ADAM18: variants seen among roughly 807,000 people sequenced by gnomAD.
ADAM18 encodes the protein ADAM metallopeptidase domain 18.
ADAM18 carries 117 observed loss-of-function variants against 94.4 expected under a neutral mutation model. The ratio of observed to expected loss-of-function variants is 1.24; its 90% CI spans 1.07 to 1.45. ADAM18 has a LOEUF of 1.45. Among genes scored for constraint, ADAM18 ranks in the 40% most tolerant of loss-of-function variants. ADAM18 has a pLI of 0.00. For synonymous variants in ADAM18, 327 were observed against 291.6 expected, an observed-to-expected ratio of 1.12 and a Z score of -1.24; for missense variants, 936 against 880.0, an observed-to-expected ratio of 1.06 and a Z score of -0.81.
intron 18 of ADAM18, among the ~76,000 whole-genome samples, chr8:39,722,217 GTATATATATATATATATATATATA>G (rs61542840): frequency 0.38 from 34,862 of 91,692 alleles, 6,922 homozygotes; most frequent in Admixed American, 0.48. Context: ...GTGTGTGTGT[GTATATATATATATATATATATATA>G]TATATATATA....
At chr8:39,610,762 C>A (rs1819251005) in intron 6 of ADAM18, 56 bp downstream of exon 6, 1 of 1,531,512 alleles carries the variant, frequency 6.5e-7, no homozygotes, top group Non-Finnish European at 8.8e-7. Context: ...GTGTAGTTTT[C>A]TTGTAAATCA....
At chr8:39,596,088 A>G (rs186725747) in intron 2 of ADAM18, among the ~76,000 whole-genome samples, 102 of 152,270 alleles carry the variant, frequency 6.7e-4, no homozygotes, top group African/African-American at 2.4e-3. Context: ...AAAAGATGAG[A>G]AGAAAGTACA....
intron 6 of ADAM18, among the ~76,000 whole-genome samples, chr8:39,617,849 G>T (rs1294664650): frequency 6.6e-6 from 1 of 152,096 alleles, no homozygotes; most frequent in African/African-American, 2.4e-5. Context: ...AATGTAGGGT[G>T]GGTGTAGGGT....
intron 11 of ADAM18, among the ~76,000 whole-genome samples, chr8:39,646,327 A>T (rs1820374559): frequency 6.6e-6 from 1 of 152,168 alleles, no homozygotes; most frequent in African/African-American, 2.4e-5. Flanking sequence ...AAGCAATTAA[A>T]CATAATGAAA....
intron 16 of ADAM18, among the ~76,000 whole-genome samples, chr8:39,686,392 C>G (rs1821606033): frequency 1.3e-5 from 2 of 152,216 alleles, no homozygotes; most frequent in African/African-American, 4.8e-5. Context: ...GACTCATTAT[C>G]TGCTTCAAAG....
chr8:39,621,669 A>G (rs117167831), intron 6 of ADAM18, among the ~76,000 whole-genome samples: 288 of 152,284 alleles, frequency 1.9e-3, no homozygotes, highest in Middle Eastern at 0.01. Context: ...ATGACATGGA[A>G]TCAACCTAAA....
chr8:39,721,985 C>G (rs1018632635), intron 18 of ADAM18, among the ~76,000 whole-genome samples: 13 of 150,750 alleles, frequency 8.6e-5, no homozygotes, highest in African/African-American at 3.2e-4. Flanking sequence ...TGGAATCAAC[C>G]TAAGTGTCCA....
intron 18 of ADAM18, among the ~76,000 whole-genome samples, chr8:39,713,639 T>A (rs943625619): frequency 6.6e-6 from 1 of 152,020 alleles, no homozygotes; most frequent in African/African-American, 2.4e-5. Flanking sequence ...AGGATATCAA[T>A]AGACACTTCT....
At chr8:39,644,919 A>G (rs532333184) in intron 10 of ADAM18, among the ~76,000 whole-genome samples, 1 of 152,188 alleles carries the variant, frequency 6.6e-6, no homozygotes, top group East Asian at 1.9e-4. Context: ...TTTCTATAAT[A>G]TAAGCTATAG....
chr8:39,708,436 A>C (rs983221249), intron 18 of ADAM18, among the ~76,000 whole-genome samples: 6 of 152,350 alleles, frequency 3.9e-5, no homozygotes, highest in African/African-American at 1.4e-4. Context: ...GCTGTTAAAA[A>C]ACAACTGTAC....
chr8:39,672,050 A>T (rs1020641868), intron 14 of ADAM18, among the ~76,000 whole-genome samples: 1 of 151,612 alleles, frequency 6.6e-6, no homozygotes, highest in East Asian at 1.9e-4. Context: ...TTCTACTAGG[A>T]TGGCTTCCAG....
At chr8:39,717,080 G>C (rs949168046) in intron 18 of ADAM18, among the ~76,000 whole-genome samples, 3 of 151,588 alleles carry the variant, frequency 2.0e-5, no homozygotes, top group African/African-American at 7.3e-5. Context: ...TATTTGCTTT[G>C]ATTACTCTTT....
intron 4 of ADAM18, 28 bp from the exon 5 acceptor site, chr8:39,609,457 A>T (rs780609540): frequency 6.5e-7 from 1 of 1,530,992 alleles, no homozygotes; most frequent in African/African-American, 1.4e-5. Flanking sequence ...ACGAATTTAT[A>T]TACTTGCCTT....
intron 18 of ADAM18, among the ~76,000 whole-genome samples, chr8:39,718,405 A>G (rs1265574452): frequency 6.6e-6 from 1 of 151,638 alleles, no homozygotes; most frequent in African/African-American, 2.4e-5. Context: ...TGCAATATGC[A>G]GTGACATGAA....
intron 6 of ADAM18, among the ~76,000 whole-genome samples, chr8:39,618,412 C>T (rs1436539087): frequency 6.6e-6 from 1 of 152,154 alleles, no homozygotes; most frequent in Non-Finnish European, 1.5e-5. Context: ...AATTCTTTAA[C>T]ATAACATCTG....
At chr8:39,613,147 GT>G (rs1819328042) in intron 6 of ADAM18, among the ~76,000 whole-genome samples, 1 of 152,052 alleles carries the variant, frequency 6.6e-6, no homozygotes, top group South Asian at 2.1e-4. Context: ...CTACACCACT[GT>G]CCAGCCACTG....
chr8:39,633,273 A>T (rs761267703), intron 7 of ADAM18, among the ~76,000 whole-genome samples: 2 of 152,194 alleles, frequency 1.3e-5, no homozygotes, highest in Non-Finnish European at 2.9e-5. Context: ...ATGCCTAAAA[A>T]TGTGGAAATA....
chr8:39,585,099 C>T (rs1025512857), intron 1 of ADAM18, among the ~76,000 whole-genome samples, 177 bp from the exon 2 acceptor site: 1 of 152,160 alleles, frequency 6.6e-6, no homozygotes, highest in South Asian at 2.1e-4. Flanking sequence ...TAGCCATTTT[C>T]AATGTGCTGT....
chr8:39,585,489 C>G, intron 2 of ADAM18, 137 bp downstream of exon 2: 2 of 641,826 alleles, frequency 3.1e-6, no homozygotes, highest in Non-Finnish European at 5.3e-6. Context: ...TGTCTCCTAC[C>G]GTGTTTTGAT....
Sources: allele counts gnomAD v4.1 joint callset (sites outside exome capture counted in the v4.1 genomes callset), GRCh38; gene constraint gnomAD v4.1.1; transcripts MANE v1.5; gene names NCBI Gene and HGNC (gene_info 2026-07-23, HGNC 2026-07-21).